KIF25: variants seen among roughly 807,000 people sequenced by gnomAD.
KIF25 encodes kinesin-like protein KIF25.
In KIF25, 19 loss-of-function variants were observed where a neutral mutation model predicts 32.9. That is an observed-to-expected ratio of 0.58 (90% CI 0.40 to 0.85). The LOEUF (loss-of-function observed/expected upper bound fraction) is 0.85. KIF25 is among the 40% of genes least tolerant of loss of function. KIF25 has a pLI of 0.00. For synonymous variants in KIF25, 225 were observed against 213.7 expected, an observed-to-expected ratio of 1.05 and a Z score of -0.46; for missense variants, 485 against 507.0, an observed-to-expected ratio of 0.96 and a Z score of 0.42.
At chr6:168,032,349 T>C (rs1363308742) in intron 7 of KIF25, among the ~76,000 whole-genome samples, 2 of 152,262 alleles carry the variant, frequency 1.3e-5, no homozygotes, top group Admixed American at 1.3e-4. Flanking sequence ...GAAAGACTCC[T>C]GTAAGAACCC....
rs1312993068 is a variant in KIF25, at chr6:167,998,138, C to T, written c.-1331C>T. ...GATATCAGTGAAGCACCTGGCACTT[C>T]AGAAAGTCTCACTACGCTGCAGCTT... On this transcript the variant is annotated 5_prime_UTR_variant, in exon 1 of 13. Coordinates refer to ENST00000643607, the MANE Select transcript of KIF25 (RefSeq NM_030615.4). 1.3e-5 allele frequency: 2 copies of T among 150,938 alleles called. No homozygotes were observed. Among genetic ancestry groups the T allele is most frequent in the Non-Finnish European group, 2.9e-5 (2 of 67,890 alleles). The allele number at this position is 150,938 out of a possible 1,614,324, so 9.3% of individuals were successfully genotyped here. A position where few individuals can be genotyped will look rare whatever the true frequency, so the allele number is the denominator to read the frequency against.
At chr6:168,025,194 T>A (rs1245062754) in intron 5 of KIF25, among the ~76,000 whole-genome samples, 1 of 152,180 alleles carries the variant, frequency 6.6e-6, no homozygotes, top group Non-Finnish European at 1.5e-5. Flanking sequence ...CAGAGACTCA[T>A]CAGAGACGCG....
At chr6:168,016,799 G>C (rs546340695) in intron 4 of KIF25, among the ~76,000 whole-genome samples, 1 of 152,226 alleles carries the variant, frequency 6.6e-6, no homozygotes, top group African/African-American at 2.4e-5. Flanking sequence ...TAGCCAGGGC[G>C]CTGTTTCATT....
Position 168,018,661 on chromosome 6 carries a change from G to C in KIF25, c.-95+621G>C, listed in dbSNP as rs145372603. The stretch of plus-strand genomic sequence containing the variant: ...CTGGGTCGTGGTGTATTCCCAGGGT[G>C]GTAGGAGAGCCCCGGAAGGCTCAGA... On this transcript the variant is annotated intron_variant, in intron 5 of 12. Transcript: ENST00000643607. 5.9e-5 allele frequency among the ~76,000 whole-genome samples: 9 copies of C among 152,312 alleles called. No homozygotes were observed. The East Asian group carries it at 1.7e-3, about 29-fold the overall frequency.
chr6:168,030,983 C>T (rs1798933123), intron 7 of KIF25, 136 bp downstream of exon 7: 1 of 612,458 alleles, frequency 1.6e-6, no homozygotes, highest in South Asian at 2.3e-5. Context: ...CATGGGTCAC[C>T]CAGCATGGAC....
chr6:168,001,128 G>A lies in KIF25; in HGVS notation c.-369-1415G>A, dbSNP rs747987208. 2.5e-4 allele frequency among the ~76,000 whole-genome samples: 38 copies of A among 152,354 alleles called. No homozygotes were observed. The Middle Eastern group carries it at 0.014, about 55-fold the overall frequency. ...ACTGGAAATTGGGCCTGTCGGATAC[G>A]TCAGTGTGGCGCGGGACAGGCCAAG... On this transcript the variant is annotated intron_variant, in intron 2 of 12. Transcript: ENST00000643607.
intron 5 of KIF25, among the ~76,000 whole-genome samples, chr6:168,022,714 T>G (rs1207139914): frequency 1.3e-5 from 2 of 152,148 alleles, no homozygotes; most frequent in Non-Finnish European, 2.9e-5. Context: ...TTTTATAAGT[T>G]TTTACTGCGA....
chr6:168,040,190 C>T lies in KIF25; in HGVS notation c.620C>T (p.Thr207Ile), dbSNP rs1427822623. ...CACCTGATAATTACGGTGACTCTAACCACAGCCTCCTGCTCTGACAGCACT... is the reference window on the plus strand; with the variant it reads ...CACCTGATAATTACGGTGACTCTAATCACAGCCTCCTGCTCTGACAGCACT... Reference protein sequence around the residue: ...RSHLIITVTLTTASCSDSTAD... With the variant: ...RSHLIITVTLITASCSDSTAD... Residue 207 changes from threonine to isoleucine, a missense_variant, in exon 10 of 13, where the codon ACC (threonine) becomes ATC (isoleucine). By Grantham distance (89) the Thr-to-Ile change is moderately conservative (BLOSUM62 -1). Around this residue, in one of 2 missense-constraint regions of KIF25, gnomAD observed 480 missense variants for 470.3 expected, o/e 1.02. Transcript: ENST00000643607. 29 of 1,613,592 alleles carry T rather than the reference C, an allele frequency of 1.8e-5. No individual in the cohort carries two copies. Among genetic ancestry groups the T allele is most frequent in the Middle Eastern group, 1.6e-4 (1 of 6,082 alleles).
chr6:168,017,682 C>T (rs1049489541), intron 4 of KIF25, among the ~76,000 whole-genome samples: 1 of 152,174 alleles, frequency 6.6e-6, no homozygotes, highest in African/African-American at 2.4e-5. Context: ...GTGTGTTCCC[C>T]AGTAGATGCG....
chr6:168,010,553 A>T (rs77648878), intron 4 of KIF25, among the ~76,000 whole-genome samples: 1 of 152,168 alleles, frequency 6.6e-6, no homozygotes, highest in Non-Finnish European at 1.5e-5. Context: ...CATGTGGTCA[A>T]TCCTGAAGAA....
At chr6:168,016,276 A>T (rs2114879600) in intron 4 of KIF25, among the ~76,000 whole-genome samples, 1 of 152,346 alleles carries the variant, frequency 6.6e-6, no homozygotes, top group South Asian at 2.1e-4. Flanking sequence ...ATCATGTAAG[A>T]ACATGCAGGT....
At chr6:168,033,715 T>C (rs1798973779) in intron 7 of KIF25, among the ~76,000 whole-genome samples, 167 bp from the exon 8 acceptor site, 1 of 152,144 alleles carries the variant, frequency 6.6e-6, no homozygotes, top group South Asian at 2.1e-4. Flanking sequence ...GGATAGATTA[T>C]GCAAAAAATA....
At chr6:168,023,607 G>A (rs767277354) in intron 5 of KIF25, among the ~76,000 whole-genome samples, 111 of 152,194 alleles carry the variant, frequency 7.3e-4, no homozygotes, top group South Asian at 2.9e-3. Context: ...TCACCATGTT[G>A]GCCAGGCTGG....
At position 168,042,161 on chromosome 6, in the gene KIF25, G is replaced by A. The variant is rs1799133530; in HGVS notation, c.829+10G>A. The A allele has an allele frequency of 3.9e-6, 6 of 1,546,352 alleles. No homozygotes were observed. Among genetic ancestry groups the A allele is most frequent in the African/African-American group, 1.4e-5 (1 of 72,980 alleles). The stretch of plus-strand genomic sequence containing the variant: ...GGCAGCGAGTGCGTTGGTGAGCAGG[G>A]GCAGGCATTTCCCTGGGGGGTGGGT... On this transcript the variant is annotated intron_variant, in intron 11 of 12. Transcript: ENST00000643607.
intron 5 of KIF25, among the ~76,000 whole-genome samples, chr6:168,023,959 C>A (rs1798823368): frequency 6.6e-6 from 1 of 152,148 alleles, no homozygotes; most frequent in Non-Finnish European, 1.5e-5. Flanking sequence ...ATTTGTATAT[C>A]TAAAACCAAA....
chr6:168,002,476 G>A (rs1457407789), intron 2 of KIF25, 67 bp from the exon 3 acceptor site: 4 of 152,314 alleles, frequency 2.6e-5, no homozygotes, highest in Admixed American at 6.5e-5. Flanking sequence ...CCATAAACGT[G>A]TGTGTGGACT....
At chr6:168,026,935 T>C (rs1175627734) in intron 5 of KIF25, among the ~76,000 whole-genome samples, 1 of 152,190 alleles carries the variant, frequency 6.6e-6, no homozygotes, top group Non-Finnish European at 1.5e-5. Flanking sequence ...AGCATTTTTC[T>C]GAGCACCTAT....
At chr6:168,016,191 TG>T (rs1308885574) in intron 4 of KIF25, among the ~76,000 whole-genome samples, 1 of 151,806 alleles carries the variant, frequency 6.6e-6, no homozygotes, top group Non-Finnish European at 1.5e-5. Flanking sequence ...TCCTGGCGGG[TG>T]TCGGAGTTTT....
chr6:168,007,986 A>T (rs1166848596), intron 4 of KIF25, among the ~76,000 whole-genome samples: 1 of 152,204 alleles, frequency 6.6e-6, no homozygotes, highest in Non-Finnish European at 1.5e-5. Context: ...CTCTTATCTT[A>T]AATGGCCTGA....
Sources: allele counts gnomAD v4.1 joint callset (sites outside exome capture counted in the v4.1 genomes callset), GRCh38; gene constraint gnomAD v4.1.1; regional missense constraint gnomAD v4.1.1; transcripts MANE v1.5; gene names NCBI Gene and HGNC (gene_info 2026-07-23, HGNC 2026-07-21).